TBL1X: variants seen among roughly 807,000 people sequenced by gnomAD.
TBL1X encodes F-box-like/WD repeat-containing protein TBL1X.
Under a neutral mutation model 50.7 loss-of-function variants are expected in TBL1X, and 10 were observed. That is an observed-to-expected ratio of 0.20 (90% CI 0.12 to 0.33). TBL1X has a LOEUF of 0.33. Ranked by LOEUF, TBL1X falls within the 10% of genes least tolerant of loss-of-function variation. The pLI, the probability that TBL1X is intolerant of heterozygous loss-of-function variation, is 1.00. For missense variants in TBL1X, 340 were observed against 504.4 expected, an observed-to-expected ratio of 0.67 and a Z score of 3.12; for synonymous variants, 190 against 214.7, an observed-to-expected ratio of 0.88 and a Z score of 1.01.
chrX:9,481,297 G>A (rs1028252279), intron 1 of TBL1X, among the ~76,000 whole-genome samples: 2 of 112,004 alleles, frequency 1.8e-5, no homozygotes, highest in Admixed American at 9.5e-5. Flanking sequence ...CTGGCTTTTC[G>A]TTTGAAACAT....
At chrX:9,497,568 T>C (rs998329520) in intron 1 of TBL1X, among the ~76,000 whole-genome samples, 3 of 111,004 alleles carry the variant, frequency 2.7e-5, no homozygotes, top group African/African-American at 9.8e-5. Context: ...GAAAGCTACA[T>C]TGGCCACGAG....
chrX:9,681,882 C>T (rs1242062304), intron 5 of TBL1X, among the ~76,000 whole-genome samples: 3 of 112,531 alleles, frequency 2.7e-5, no homozygotes, highest in Non-Finnish European at 5.6e-5. Flanking sequence ...AAGGGGAAAG[C>T]GGCAGTGACA....
rs895723879 is a variant in TBL1X, at chrX:9,664,876, T to G, written c.211+10554T>G. Among the ~76,000 whole-genome samples the G allele has an allele frequency of 2.7e-5, 3 of 111,379 alleles. No individual in the cohort carries two copies. The East Asian group carries it at 8.5e-4, about 32-fold the overall frequency. On this transcript the variant is annotated intron_variant, in intron 5 of 17. Transcript: ENST00000645353. ...GGACTGTCCTGAATACTATAGGATG[T>G]TCAGCAGCATCCCTAACATTTGCCC...
At chrX:9,622,490 C>G (rs1286399102) in intron 2 of TBL1X, among the ~76,000 whole-genome samples, 2 of 111,393 alleles carry the variant, frequency 1.8e-5, no homozygotes, top group Non-Finnish European at 3.8e-5. Context: ...AAGTCTCACT[C>G]TATCACCCAG....
chrX:9,469,892 G>A (rs369181690), intron 1 of TBL1X, among the ~76,000 whole-genome samples: 4 of 112,684 alleles, frequency 3.5e-5, no homozygotes, highest in African/African-American at 1.3e-4. Context: ...CGCTCTTCCA[G>A]TACCACCTTT....
chrX:9,684,296 A>T (rs2083043279), intron 6 of TBL1X, 108 bp downstream of exon 6: 2 of 1,057,064 alleles, frequency 1.9e-6, no homozygotes, highest in Admixed American at 5.4e-5. Flanking sequence ...TTTGGGATTA[A>T]TTCCGCGGCA....
intron 12 of TBL1X, among the ~76,000 whole-genome samples, chrX:9,698,342 C>T (rs1241537942): frequency 9.0e-6 from 1 of 110,973 alleles, no homozygotes; most frequent in Non-Finnish European, 1.9e-5. Context: ...TGGTTTGCTG[C>T]GAGGACCCCC....
At chrX:9,641,671 G>A (rs2082776416) in intron 3 of TBL1X, among the ~76,000 whole-genome samples, 6 of 112,728 alleles carry the variant, frequency 5.3e-5, no homozygotes, top group Admixed American at 3.8e-4. Context: ...AATGAAAGGT[G>A]TAGTCTGTTT....
At chrX:9,681,159 C>T (rs1229958253) in intron 5 of TBL1X, among the ~76,000 whole-genome samples, 1 of 112,088 alleles carries the variant, frequency 8.9e-6, no homozygotes, top group Non-Finnish European at 1.9e-5. Context: ...TTAGACTGAG[C>T]TTTGCACACC....
chrX:9,524,030 C>T (rs1194606390), intron 2 of TBL1X, among the ~76,000 whole-genome samples: 6 of 91,612 alleles, frequency 6.5e-5, no homozygotes, highest in Non-Finnish European at 1.0e-4. Context: ...TGCAGTGGCA[C>T]GATCTTCACT....
chrX:9,606,804 G>A (rs1224030020), intron 2 of TBL1X, among the ~76,000 whole-genome samples: 1 of 112,415 alleles, frequency 8.9e-6, no homozygotes, highest in African/African-American at 3.2e-5. Context: ...TAATGGACGA[G>A]CGTCCTCAGC....
intron 2 of TBL1X, among the ~76,000 whole-genome samples, chrX:9,519,137 C>T (rs544770018): frequency 2.7e-5 from 3 of 112,170 alleles, no homozygotes; most frequent in East Asian, 2.8e-4. Flanking sequence ...GTCCATGGTA[C>T]GTGGAACACA....
chrX:9,484,571 T>C (rs2081900935), intron 1 of TBL1X, among the ~76,000 whole-genome samples: 2 of 111,245 alleles, frequency 1.8e-5, no homozygotes, highest in Admixed American at 1.9e-4. Flanking sequence ...GGGCTTCATG[T>C]TGTTGCACAT....
chrX:9,685,543 G>A (rs17255188), intron 6 of TBL1X, among the ~76,000 whole-genome samples: 9,978 of 110,064 alleles, frequency 0.091, 439 homozygotes, highest in Non-Finnish European at 0.14. Flanking sequence ...ATACTGTACC[G>A]TCATCCATCC....
chrX:9,478,899 A>G (rs1410317815), intron 1 of TBL1X, among the ~76,000 whole-genome samples: 6 of 112,763 alleles, frequency 5.3e-5, no homozygotes, highest in Non-Finnish European at 1.1e-4. Flanking sequence ...TTGATTGCAC[A>G]TAGGAAGTTC....
At chrX:9,478,751 A>G (rs2081863186) in intron 1 of TBL1X, among the ~76,000 whole-genome samples, 1 of 112,005 alleles carries the variant, frequency 8.9e-6, no homozygotes, top group Non-Finnish European at 1.9e-5. Context: ...GCCTTTTGAG[A>G]TATCTTTTCA....
At chrX:9,601,973 G>A (rs1337717522) in intron 2 of TBL1X, among the ~76,000 whole-genome samples, 9 of 111,669 alleles carry the variant, frequency 8.1e-5, no homozygotes, top group Non-Finnish European at 1.7e-4. Context: ...GAAACCGGGA[G>A]GCGGAGGTTG....
At chrX:9,557,708 T>A (rs1242449865) in intron 2 of TBL1X, among the ~76,000 whole-genome samples, 4 of 111,511 alleles carry the variant, frequency 3.6e-5, no homozygotes, top group African/African-American at 9.8e-5. Flanking sequence ...AATATGGGCA[T>A]GAAATAGAGC....
chrX:9,652,680 C>T (rs1415989956), intron 3 of TBL1X, among the ~76,000 whole-genome samples: 1 of 110,859 alleles, frequency 9.0e-6, no homozygotes, highest in Non-Finnish European at 1.9e-5. Context: ...AAAACCTTGT[C>T]TCTACAAAAA....
Sources: allele counts gnomAD v4.1 joint callset (sites outside exome capture counted in the v4.1 genomes callset), GRCh38; gene constraint gnomAD v4.1.1; transcripts MANE v1.5; gene names NCBI Gene and HGNC (gene_info 2026-07-23, HGNC 2026-07-21).